Variants in ZC3H11A observed in about 807,000 individuals in gnomAD.
ZC3H11A encodes the protein zinc finger CCCH domain-containing protein 11A.
A neutral mutation model predicts 90.8 loss-of-function variants in ZC3H11A; 22 were observed. The observed-to-expected ratio is 0.24, with a 90% CI of 0.17 to 0.35. The LOEUF (loss-of-function observed/expected upper bound fraction) is 0.35. Ranked by LOEUF, ZC3H11A falls within the 10% of genes least tolerant of loss-of-function variation. The pLI is 1.00. For missense variants in ZC3H11A, 701 were observed against 964.9 expected (o/e 0.73, Z 3.62); for synonymous variants, 294 against 339.8 (o/e 0.87, Z 1.48).
intron 4 of ZC3H11A, among the ~76,000 whole-genome samples, chr1:203,822,674 G>C (rs780469280): frequency 1.1e-4 from 17 of 152,086 alleles, no homozygotes; most frequent in Admixed American, 3.3e-4. Flanking sequence ...CAGAGACATT[G>C]CTAACCCTGC....
intron 12 of ZC3H11A, among the ~76,000 whole-genome samples, chr1:203,843,865 CT>C (rs1007632278): frequency 6.6e-6 from 1 of 150,476 alleles, no homozygotes; most frequent in Non-Finnish European, 1.5e-5. Flanking sequence ...GGGATTTCTT[CT>C]TTTTTTTTGA....
At position 203,853,836 on chromosome 1, in the gene ZC3H11A, A is replaced by G. The variant is rs2103494390; in HGVS notation, c.*1437A>G. Reference sequence around the variant, plus strand: ...TGTATAGACACACCTCTACCAATCCATCTTCAGCTGACTGAATGTTGTATG... The same window carrying G: ...TGTATAGACACACCTCTACCAATCCGTCTTCAGCTGACTGAATGTTGTATG... On this transcript the variant is annotated 3_prime_UTR_variant, in exon 18 of 18. Coordinates refer to ENST00000367210, the MANE Select transcript of ZC3H11A (RefSeq NM_001376342.1). The G allele has an allele frequency of 6.5e-6, 1 of 152,808 alleles. No individual in the cohort carries two copies. The highest frequency in any genetic ancestry group is 6.5e-5 in the Admixed American group (1 of 15,304). 9.5% of individuals were successfully genotyped at this position (152,808 alleles called of 1,614,324 possible).
chr1:203,830,233 T>C (rs777309642), intron 8 of ZC3H11A, 30 bp downstream of exon 8: 17 of 1,529,382 alleles, frequency 1.1e-5, no homozygotes, highest in Non-Finnish European at 1.5e-5. Flanking sequence ...CATGGATAGT[T>C]GTATGTTGCT....
intron 12 of ZC3H11A, among the ~76,000 whole-genome samples, chr1:203,844,319 G>A (rs1159576942): frequency 1.3e-5 from 2 of 151,908 alleles, no homozygotes; most frequent in Non-Finnish European, 2.9e-5. Context: ...GTGCAATCAC[G>A]CCTGGCTAAC....
chr1:203,797,522 A>G, intron 1 of ZC3H11A: 1 of 1,494,890 alleles, frequency 6.7e-7, no homozygotes, highest in East Asian at 2.5e-5. Flanking sequence ...ACATAAAGAG[A>G]ATGAGTGTAT....
chr1:203,804,406 C>T (rs1160793412), intron 2 of ZC3H11A, among the ~76,000 whole-genome samples: 8 of 151,930 alleles, frequency 5.3e-5, no homozygotes, highest in African/African-American at 1.9e-4. Context: ...CCCGCCTCGG[C>T]CTCCCAAAGT....
At chr1:203,839,040 G>T (rs1685260925) in intron 11 of ZC3H11A, among the ~76,000 whole-genome samples, 1 of 151,724 alleles carries the variant, frequency 6.6e-6, no homozygotes, top group Admixed American at 6.6e-5. Flanking sequence ...CCATTACCTT[G>T]CCTGCAATAT....
intron 2 of ZC3H11A, among the ~76,000 whole-genome samples, chr1:203,806,830 C>CTTTTTTTTT (rs373591619): frequency 1.7e-5 from 2 of 117,858 alleles, no homozygotes; most frequent in Admixed American, 8.7e-5. Context: ...CCTCAGGTTC[C>CTTTTTTTTT]TTTTTTTTTT....
At chr1:203,851,003 G>A in intron 16 of ZC3H11A, 54 bp from the exon 17 acceptor site, 1 of 1,584,454 alleles carries the variant, frequency 6.3e-7, no homozygotes, top group Non-Finnish European at 8.6e-7. Context: ...AAATGAATAT[G>A]CTCAAATTAA....
intron 12 of ZC3H11A, 97 bp from the exon 13 acceptor site, chr1:203,847,087 T>C (rs1688114359): frequency 7.8e-7 from 1 of 1,283,374 alleles, no homozygotes; most frequent in Non-Finnish European, 1.1e-6. Context: ...AAATGATAGC[T>C]CTCTGTTGGA....
At chr1:203,842,145 A>C (rs1572307322) in intron 12 of ZC3H11A, among the ~76,000 whole-genome samples, 1 of 149,054 alleles carries the variant, frequency 6.7e-6, no homozygotes, top group African/African-American at 2.5e-5. Flanking sequence ...GGCTCCTCAC[A>C]TCCCAGACGA....
At chr1:203,819,529 ATTT>A (rs755259647) in intron 4 of ZC3H11A, among the ~76,000 whole-genome samples, 4 of 72,868 alleles carry the variant, frequency 5.5e-5, no homozygotes, top group Non-Finnish European at 1.1e-4. Flanking sequence ...GCTGACTCCA[ATTT>A]TTTTTTTTTT....
intron 16 of ZC3H11A, 126 bp from the exon 17 acceptor site, chr1:203,850,931 T>G (rs1021678498): frequency 1.6e-6 from 2 of 1,268,370 alleles, no homozygotes; most frequent in Admixed American, 4.4e-5. Flanking sequence ...CTTTAGATTA[T>G]CGATTCTTAG....
intron 6 of ZC3H11A, 57 bp downstream of exon 6, chr1:203,829,711 G>C: frequency 6.2e-7 from 1 of 1,612,130 alleles, no homozygotes; most frequent in Admixed American, 1.7e-5. Context: ...ATAGTGAATT[G>C]GGCAGAATCA....
At chr1:203,807,564 C>T (rs1180422998) in intron 2 of ZC3H11A, among the ~76,000 whole-genome samples, 3 of 149,668 alleles carry the variant, frequency 2.0e-5, no homozygotes, top group African/African-American at 7.4e-5. Flanking sequence ...TCTCGCTCTG[C>T]CTCCCAGGCT....
chr1:203,844,486 T>C (rs1431867548), intron 12 of ZC3H11A, among the ~76,000 whole-genome samples: 2 of 152,236 alleles, frequency 1.3e-5, no homozygotes, highest in African/African-American at 4.8e-5. Flanking sequence ...GGATTTCTAA[T>C]TCAAATCTTT....
At chr1:203,821,004 A>G (rs1042723283) in intron 4 of ZC3H11A, among the ~76,000 whole-genome samples, 3 of 152,256 alleles carry the variant, frequency 2.0e-5, no homozygotes, top group African/African-American at 7.2e-5. Context: ...GAATTAATGC[A>G]AACTTGTGGT....
chr1:203,850,544 G>T lies in ZC3H11A; in HGVS notation c.1969G>T (p.Val657Leu). 6.2e-7 allele frequency: 1 copy of T among 1,613,948 alleles called. No homozygotes were observed. The highest frequency in any genetic ancestry group is 8.5e-7 in the Non-Finnish European group (1 of 1,179,876). ...ACCCAAAGTGAACGTGAAGCCATCTGTGGTTAAAGTTGTGTCATCCCCCAA... is the reference window on the plus strand; with the variant it reads ...ACCCAAAGTGAACGTGAAGCCATCTTTGGTTAAAGTTGTGTCATCCCCCAA... ...AKPKVNVKPS[V>L]VKVVSSPKLA... The change falls in exon 16 of 18, where the codon GTG becomes TTG. Residue 657 changes from valine (V) to leucine (L), a missense_variant. Val to Leu is a conservative substitution (Grantham distance 32). This residue lies in a region of ZC3H11A where 530 missense variants were observed against 696.2 expected (regional missense o/e 0.76). Transcript: ENST00000367210.
At chr1:203,838,126 C>G in intron 11 of ZC3H11A, 62 bp downstream of exon 11, 1 of 1,455,066 alleles carries the variant, frequency 6.9e-7, no homozygotes, top group Non-Finnish European at 9.5e-7. Flanking sequence ...TCTTGTAATG[C>G]TAACAGCTAT....
Sources: allele counts gnomAD v4.1 joint callset (sites outside exome capture counted in the v4.1 genomes callset), GRCh38; gene constraint gnomAD v4.1.1; regional missense constraint gnomAD v4.1.1; transcripts MANE v1.5; gene names NCBI Gene and HGNC (gene_info 2026-07-23, HGNC 2026-07-21).